GPR135: variants seen among roughly 807,000 people sequenced by gnomAD.
The protein encoded by GPR135 is G-protein coupled receptor 135.
Under a neutral mutation model 15.0 loss-of-function variants are expected in GPR135, and 17 were observed. The observed-to-expected ratio is 1.13, with a 90% confidence interval of 0.78 to 1.70. The LOEUF (loss-of-function observed/expected upper bound fraction) is 1.70. Ranked by LOEUF, GPR135 falls within the 40% of genes most tolerant of loss-of-function variation. GPR135 has a pLI of 0.00. For synonymous variants in GPR135, 368 were observed against 349.4 expected, an observed-to-expected ratio of 1.05 and a Z score of -0.59; for missense variants, 776 against 727.0, an observed-to-expected ratio of 1.07 and a Z score of -0.78.
rs1250340388 is a variant in GPR135, at chr14:59,463,627, C to T, written c.*115G>A. On this transcript the variant is annotated 3_prime_UTR_variant, in exon 1 of 1. Transcript: ENST00000395116. ...TTTGGGGAAAGTGGTAAGCCTCCCC[C>T]GTCTCTAGCTTTAAATGTTTGGCTT... 4.0e-6 allele frequency: 4 copies of T among 1,004,312 alleles called. No individual in the cohort carries two copies. Among genetic ancestry groups the T allele is most frequent in the East Asian group, 2.6e-5 (1 of 38,034 alleles). The allele number at this position is 1,004,312 out of a possible 1,614,324, so 62.2% of individuals were successfully genotyped here.
chr14:59,455,418 C>A (rs1888619291), intron 6 of GPR135, among the ~76,000 whole-genome samples: 1 of 152,210 alleles, frequency 6.6e-6, no homozygotes, highest in Non-Finnish European at 1.5e-5. Context: ...TGAGACCTAG[C>A]ACACACTCAT....
At chr14:59,458,119 GTTC>G (rs1327339327), downstream of GPR135, among the ~76,000 whole-genome samples, 2 of 152,198 alleles carry the variant, frequency 1.3e-5, no homozygotes, top group African/African-American at 4.8e-5. Flanking sequence ...TTCTGGTGGT[GTTC>G]TTCAGAGGAC....
downstream of GPR135, among the ~76,000 whole-genome samples, chr14:59,456,109 G>A (rs929539585): frequency 6.6e-5 from 10 of 152,108 alleles, no homozygotes; most frequent in Admixed American, 2.0e-4. Context: ...GCAAACATAT[G>A]TCAATATGAA....
Position 59,465,195 on chromosome 14 carries a change from G to A in GPR135, c.32C>T (p.Ala11Val). The change falls in exon 1 of 1, where the codon GCG becomes GTG. Residue 11 changes from alanine to valine, a missense_variant. Coordinates refer to ENST00000395116, the MANE Select transcript of GPR135 (RefSeq NM_022571.6). MEEPQPPRPPASMALLGSQHS... is the reference protein window; with the variant it reads MEEPQPPRPPVSMALLGSQHS... Reference sequence around the variant, plus strand: ...CTGGCTGCCCAGTAAGGCCATGCTCGCTGGTGGGCGGGGCGGCTGCGGCTC... The same window carrying A: ...CTGGCTGCCCAGTAAGGCCATGCTCACTGGTGGGCGGGGCGGCTGCGGCTC... 7.9e-7 allele frequency: 1 copy of A among 1,261,046 alleles called. No individual in the cohort carries two copies. Among genetic ancestry groups the A allele is most frequent in the Non-Finnish European group, 9.9e-7 (1 of 1,005,630 alleles). 78.1% of individuals were successfully genotyped at this position (1,261,046 alleles called of 1,614,324 possible). A position where few individuals can be genotyped will look rare whatever the true frequency, so the allele number is the denominator to read the frequency against.
rs1888952655 is a variant in GPR135 at position 59,463,681 on chromosome 14, C to T, written c.*61G>A. 3.5e-6 allele frequency: 5 copies of T among 1,446,408 alleles called. No individual in the cohort carries two copies. The South Asian group carries it at 7.0e-5, about 20-fold the overall frequency. 89.6% of individuals were successfully genotyped at this position (1,446,408 alleles called of 1,614,324 possible). A position where few individuals can be genotyped will look rare whatever the true frequency, so the allele number is the denominator to read the frequency against. On this transcript the variant is annotated 3_prime_UTR_variant, in exon 1 of 1. Transcript: ENST00000395116. ...GAAATCCACAACTCTCCCCCAGAAT[C>T]TTCCATCATTAAATAATGCGAGTGG...
At chr14:59,458,902 C>T (rs1888757378), downstream of GPR135, 1 of 152,130 alleles carries the variant, frequency 6.6e-6, no homozygotes, top group Non-Finnish European at 1.5e-5. Flanking sequence ...ATGTGAAGTT[C>T]TTGTAACCTG....
chr14:59,465,008 G>C lies in GPR135; in HGVS notation c.219C>G (p.Gly73=). 1 of 1,339,758 alleles carries C rather than the reference G, an allele frequency of 7.5e-7. No homozygotes were observed. Among genetic ancestry groups the C allele is most frequent in the Non-Finnish European group, 9.5e-7 (1 of 1,049,632 alleles). 83.0% of individuals were successfully genotyped at this position (1,339,758 alleles called of 1,614,324 possible). A position where few individuals can be genotyped will look rare whatever the true frequency, so the allele number is the denominator to read the frequency against. Residue 73 remains glycine (G), a synonymous_variant, in exon 1 of 1, where the codon GGC becomes GGG. Transcript: ENST00000395116. ...TAAAPGGGGL[G]GSGAAREAGA... Reference sequence around the variant, plus strand: ...CCGCCTCCCGCGCTGCCCCGGACCCGCCAAGGCCGCCGCCACCGGGAGCGG... The same window carrying C: ...CCGCCTCCCGCGCTGCCCCGGACCCCCCAAGGCCGCCGCCACCGGGAGCGG...
chr14:59,465,209 C>T lies in GPR135; in HGVS notation c.18G>A (p.Pro6=), dbSNP rs1213245823. The T allele has an allele frequency of 1.6e-6, 2 of 1,250,744 alleles. No homozygotes were observed. Among genetic ancestry groups the T allele is most frequent in the South Asian group, 3.2e-5 (1 of 31,074 alleles). The allele number at this position is 1,250,744 out of a possible 1,614,324, so 77.5% of individuals were successfully genotyped here. The stretch of plus-strand genomic sequence containing the variant: ...AGGCCATGCTCGCTGGTGGGCGGGG[C>T]GGCTGCGGCTCCTCCATGGGGCCCA... MEEPQ[P]PRPPASMALL... is the part of the protein sequence containing the mutation. Residue 6 remains proline (P), a synonymous_variant, in exon 1 of 1, where the codon CCG becomes CCA. Coordinates refer to ENST00000395116, the MANE Select transcript of GPR135 (RefSeq NM_022571.6).
In GPR135 at chr14:59,461,745, T is replaced by A. The variant is rs957231204; in HGVS notation, c.*1997A>T. The A allele has an allele frequency of 6.6e-6, 1 of 151,952 alleles. No homozygotes were observed. Among genetic ancestry groups the A allele is most frequent in the African/African-American group, 2.4e-5 (1 of 41,182 alleles). 9.4% of individuals were successfully genotyped at this position (151,952 alleles called of 1,614,324 possible). On this transcript the variant is annotated 3_prime_UTR_variant, in exon 1 of 1. Coordinates refer to ENST00000395116, the MANE Select transcript of GPR135 (RefSeq NM_022571.6). ...AAGATCTCTAACCCTCTGCCCTTTA[T>A]TCACAACTGTACTTCTATTCTATGA...
rs775260161 is a variant in GPR135 at position 59,464,678 on chromosome 14, G to A, written c.549C>T (p.Phe183=). Residue 183 remains phenylalanine, a synonymous_variant, in exon 1 of 1, where the codon TTC becomes TTT. Transcript: ENST00000395116. ...AGCTGAAGAAGCGGCTGGCGGCGCAGAAGCCGCGCCAGGGCCCCGCGGCGG... is the reference window on the plus strand; with the variant it reads ...AGCTGAAGAAGCGGCTGGCGGCGCAAAAGCCGCGCCAGGGCCCCGCGGCGG... ...PAAAAGPWRG[F]CAASRFFSSC... is the part of the protein sequence containing the mutation. The A allele has an allele frequency of 3.8e-6, 6 of 1,584,936 alleles. No individual in the cohort carries two copies. The Admixed American group carries it at 8.7e-5, about 23-fold the overall frequency.
rs1889045794 is a variant in GPR135 at position 59,464,672 on chromosome 14, G to A, written c.555C>T (p.Ala185=). 2 of 1,587,838 alleles carry A rather than the reference G, an allele frequency of 1.3e-6. No homozygotes were observed. Among genetic ancestry groups the A allele is most frequent in the African/African-American group, 2.7e-5 (2 of 74,562 alleles). ...AGCACGAGCTGAAGAAGCGGCTGGC[G>A]GCGCAGAAGCCGCGCCAGGGCCCCG... ...AAAGPWRGFC[A]ASRFFSSCFG... is the part of the protein sequence containing the mutation. Residue 185 remains alanine, a synonymous_variant, in exon 1 of 1, where the codon GCC becomes GCT. Coordinates refer to ENST00000395116, the MANE Select transcript of GPR135 (RefSeq NM_022571.6).
Position 59,464,863 on chromosome 14 carries a change from A to T in GPR135, c.364T>A (p.Cys122Ser). The change falls in exon 1 of 1, where the codon TGC (cysteine) becomes AGC (serine). Residue 122 changes from cysteine (C) to serine (S), a missense_variant. By Grantham distance (112) the Cys-to-Ser change is moderately radical. Coordinates refer to ENST00000395116, the MANE Select transcript of GPR135 (RefSeq NM_022571.6). Reference protein sequence around the residue: ...LIFLLSSLGNCAVMGVIVKHR... With the variant: ...LIFLLSSLGNSAVMGVIVKHR... ...TTCACAATCACCCCCATCACCGCGC[A>T]GTTGCCAAGGCTAGACAGCAGGAAG... 6.2e-7 allele frequency: 1 copy of T among 1,605,318 alleles called. No individual in the cohort carries two copies. Among genetic ancestry groups the T allele is most frequent in the Non-Finnish European group, 8.5e-7 (1 of 1,176,384 alleles).
Position 59,464,476 on chromosome 14 carries a change from G to A in GPR135, c.751C>T (p.Arg251Trp). 2 of 1,544,376 alleles carry A rather than the reference G, an allele frequency of 1.3e-6. No individual in the cohort carries two copies. The highest frequency in any genetic ancestry group is 1.7e-6 in the Non-Finnish European group (2 of 1,150,356). Reference sequence around the variant, plus strand: ...AAGCTCTGCGCCGCCGCGAGTTCCCGGGGCGCCCCGAGCAGCTCCCAGGGC... The same window carrying A: ...AAGCTCTGCGCCGCCGCGAGTTCCCAGGGCGCCCCGAGCAGCTCCCAGGGC... ...SLPWELLGAP[R>W]ELAAAQSFHG... Residue 251 changes from arginine to tryptophan, a missense_variant, in exon 1 of 1, where the codon CGG becomes TGG. Coordinates refer to ENST00000395116, the MANE Select transcript of GPR135 (RefSeq NM_022571.6).
In GPR135 at chr14:59,461,511, A is replaced by G. The variant is rs1450260400; in HGVS notation, c.*2231T>C. ...CTCTTTCACAAGCCATGCCTTTCCT[A>G]AAACTTCCTGCCACCGAAAAGGTAG... On this transcript the variant is annotated 3_prime_UTR_variant, in exon 1 of 1. Transcript: ENST00000395116. 50 of 152,048 alleles carry G rather than the reference A, an allele frequency of 3.3e-4. No individual in the cohort carries two copies. The highest frequency in any genetic ancestry group is 3.3e-3 in the Admixed American group (50 of 15,274). 9.4% of individuals were successfully genotyped at this position (152,048 alleles called of 1,614,324 possible).
Position 59,464,485 on chromosome 14 carries a change from C to A in GPR135, c.742G>T (p.Gly248Trp). Residue 248 changes from glycine (G) to tryptophan (W), a missense_variant, in exon 1 of 1, where the codon GGG (glycine) becomes TGG (tryptophan). By Grantham distance (184) the Gly-to-Trp change is radical. Transcript: ENST00000395116. ...LGFSLPWELL[G>W]APRELAAAQS... ...GCCGCCGCGAGTTCCCGGGGCGCCC[C>A]GAGCAGCTCCCAGGGCAAGGAGAAG... 1.3e-6 allele frequency: 2 copies of A among 1,541,962 alleles called. No homozygotes were observed. The highest frequency in any genetic ancestry group is 2.4e-5 in the East Asian group (1 of 41,626).
Position 59,461,843 on chromosome 14 carries a change from A to T in GPR135, c.*1899T>A, listed in dbSNP as rs1174959199. 5 of 152,042 alleles carry T rather than the reference A, an allele frequency of 3.3e-5. No individual in the cohort carries two copies. The highest frequency in any genetic ancestry group is 2.1e-4 in the South Asian group (1 of 4,820). The allele number at this position is 152,042 out of a possible 1,614,324, so 9.4% of individuals were successfully genotyped here. On this transcript the variant is annotated 3_prime_UTR_variant, in exon 1 of 1. Coordinates refer to ENST00000395116, the MANE Select transcript of GPR135 (RefSeq NM_022571.6). ...GTGACTCGGTGCCAAAAAATACACA[A>T]TTTTTTGCCTTTAACAGGCAAATAC...
In GPR135 at chr14:59,460,865, C is replaced by T. The variant is rs560670668; in HGVS notation, c.*2877G>A. 2.0e-5 allele frequency: 3 copies of T among 152,322 alleles called. No individual in the cohort carries two copies. The South Asian group carries it at 6.2e-4, about 32-fold the overall frequency. 9.4% of individuals were successfully genotyped at this position (152,322 alleles called of 1,614,324 possible). On this transcript the variant is annotated 3_prime_UTR_variant, in exon 1 of 1. Coordinates refer to ENST00000395116, the MANE Select transcript of GPR135 (RefSeq NM_022571.6). ...AATTGCATACTCATAGTAAGCACAA[C>T]GAAAGGTCGAAGTCTTAGATTATTT...
In GPR135 at chr14:59,465,293, G is replaced by C. The variant is rs1224666097; in HGVS notation, c.-67C>G. 8 of 1,164,370 alleles carry C rather than the reference G, an allele frequency of 6.9e-6. No homozygotes were observed. The highest frequency in any genetic ancestry group is 8.6e-6 in the Non-Finnish European group (8 of 930,308). The allele number at this position is 1,164,370 out of a possible 1,614,324, so 72.1% of individuals were successfully genotyped here. A position where few individuals can be genotyped will look rare whatever the true frequency, so the allele number is the denominator to read the frequency against. On this transcript the variant is annotated 5_prime_UTR_variant, in exon 1 of 1. Coordinates refer to ENST00000395116, the MANE Select transcript of GPR135 (RefSeq NM_022571.6). ...GGGCGGCGGCCGCTAGGTCGGAGTG[G>C]TGGCTCGGGGCCGGGGGCTAGCGGC...
At position 59,461,279 on chromosome 14, in the gene GPR135, T is replaced by G. The variant is rs1888848547; in HGVS notation, c.*2463A>C. ...TGATTTCCTTACCTGTAGACTTCTG[T>G]GGGGATAGAGAGAAACAAACATGGA... On this transcript the variant is annotated 3_prime_UTR_variant, in exon 1 of 1. Transcript: ENST00000395116. 6.6e-6 allele frequency: 1 copy of G among 152,210 alleles called. No homozygotes were observed. Among genetic ancestry groups the G allele is most frequent in the Non-Finnish European group, 1.5e-5 (1 of 68,034 alleles). 9.4% of individuals were successfully genotyped at this position (152,210 alleles called of 1,614,324 possible).
Sources: gnomAD v4.1 joint callset for allele counts (sites outside exome capture counted in the v4.1 genomes callset) on GRCh38, gnomAD v4.1.1 for gene constraint, MANE v1.5 for transcripts, NCBI Gene and HGNC (gene_info 2026-07-23, HGNC 2026-07-21) for gene names.